PTPRK: variants seen among roughly 807,000 people sequenced by gnomAD.
PTPRK encodes the protein protein tyrosine phosphatase receptor type K.
PTPRK carries 75 observed loss-of-function variants against 178.0 expected under a neutral mutation model. That is an observed-to-expected ratio of 0.42 (90% CI 0.35 to 0.51). The LOEUF (loss-of-function observed/expected upper bound fraction) is 0.51, where lower values mean the gene tolerates loss of function less well. Ranked by LOEUF, PTPRK falls within the 20% of genes least tolerant of loss-of-function variation. The probability of loss-of-function intolerance (pLI) is 0.02; values close to 1 mark genes in which losing one functional copy is unlikely to be tolerated. For missense variants in PTPRK, 1,441 were observed against 1,797.8 expected, an observed-to-expected ratio of 0.80 and a Z score of 3.59; for synonymous variants, 637 against 620.6, an observed-to-expected ratio of 1.03 and a Z score of -0.39.
At chr6:128,398,453 T>G (rs1304530078) in intron 1 of PTPRK, among the ~76,000 whole-genome samples, 1 of 152,184 alleles carries the variant, frequency 6.6e-6, no homozygotes, top group Non-Finnish European at 1.5e-5. Context: ...CCGGACCCTA[T>G]TCTCCTGCCT....
At chr6:128,227,059 A>G (rs2128277001) in intron 5 of PTPRK, among the ~76,000 whole-genome samples, 2 of 152,242 alleles carry the variant, frequency 1.3e-5, no homozygotes, top group Admixed American at 1.3e-4. Context: ...GGCATGTAAA[A>G]TATCACTCTT....
intron 6 of PTPRK, among the ~76,000 whole-genome samples, chr6:128,217,105 T>G (rs965587479): frequency 2.0e-5 from 3 of 152,146 alleles, no homozygotes; most frequent in Non-Finnish European, 4.4e-5. Flanking sequence ...CCCTGAAGAT[T>G]ACCCAAGGAC....
At chr6:128,157,789 T>C (rs1798143779) in intron 7 of PTPRK, among the ~76,000 whole-genome samples, 1 of 152,024 alleles carries the variant, frequency 6.6e-6, no homozygotes, top group South Asian at 2.1e-4. Flanking sequence ...ATGGGGTTGA[T>C]TTTTTCTTGT....
At chr6:127,975,688 T>C (rs937406289) in intron 27 of PTPRK, among the ~76,000 whole-genome samples, 7 of 152,200 alleles carry the variant, frequency 4.6e-5, no homozygotes, top group Admixed American at 3.9e-4. Context: ...AATATCTTTT[T>C]TTGGGGGACG....
intron 3 of PTPRK, among the ~76,000 whole-genome samples, chr6:128,300,549 T>C (rs1040297330): frequency 1.3e-5 from 2 of 152,034 alleles, no homozygotes; most frequent in African/African-American, 4.8e-5. Context: ...GATGAGTTCA[T>C]GTCCTTTGTA....
intron 1 of PTPRK, among the ~76,000 whole-genome samples, chr6:128,430,901 G>C (rs147829390): frequency 7.7e-4 from 117 of 151,186 alleles, no homozygotes; most frequent in African/African-American, 2.8e-3. Context: ...AACATTTAAA[G>C]AAATCTTTAT....
chr6:128,383,549 T>C (rs902631712), intron 2 of PTPRK, among the ~76,000 whole-genome samples: 4 of 152,236 alleles, frequency 2.6e-5, no homozygotes, highest in Non-Finnish European at 4.4e-5. Flanking sequence ...TCATTCCATT[T>C]ATGTATTCAT....
intron 6 of PTPRK, among the ~76,000 whole-genome samples, chr6:128,197,617 A>C (rs574374291): frequency 3.9e-5 from 6 of 152,202 alleles, no homozygotes; most frequent in Admixed American, 1.3e-4. Flanking sequence ...TTATGTGAGG[A>C]AAAAGAGATC....
At chr6:128,467,357 A>G (rs935959643) in intron 1 of PTPRK, among the ~76,000 whole-genome samples, 9 of 152,192 alleles carry the variant, frequency 5.9e-5, no homozygotes, top group Admixed American at 3.3e-4. Flanking sequence ...TAAGATAAAT[A>G]TCACATACAA....
chr6:128,330,098 A>AAACT (rs1187986944), intron 2 of PTPRK, among the ~76,000 whole-genome samples: 3 of 152,210 alleles, frequency 2.0e-5, no homozygotes, highest in African/African-American at 7.2e-5. Flanking sequence ...AACATGCCAG[A>AAACT]AACTGTTGGT....
intron 1 of PTPRK, among the ~76,000 whole-genome samples, chr6:128,512,431 T>C (rs1045232637): frequency 1.3e-5 from 2 of 152,208 alleles, no homozygotes; most frequent in African/African-American, 2.4e-5. Flanking sequence ...GTCTCTGCCA[T>C]AACCACGTCA....
In PTPRK at chr6:128,127,300, T is replaced by C. The variant is rs9491912; in HGVS notation, c.1163-37308A>G. 2.3e-3 allele frequency among the ~76,000 whole-genome samples: 353 copies of C among 152,272 alleles called. 1 individual carries two copies. Among genetic ancestry groups the C allele is most frequent in the African/African-American group, 8.1e-3 (338 of 41,558 alleles). On this transcript the variant is annotated intron_variant, in intron 7 of 29. Coordinates refer to ENST00000368226, the MANE Select transcript of PTPRK (RefSeq NM_002844.4). Reference sequence around the variant, plus strand: ...GTCTTTTGCCTTTCTACATAAACTTTAGAATTGGTTTATTGATTATCTACA... The same window carrying C: ...GTCTTTTGCCTTTCTACATAAACTTCAGAATTGGTTTATTGATTATCTACA...
intron 5 of PTPRK, among the ~76,000 whole-genome samples, chr6:128,233,869 C>T (rs748487742): frequency 1.8e-4 from 27 of 152,212 alleles, no homozygotes; most frequent in Admixed American, 6.5e-5. Flanking sequence ...CTTTCAATAA[C>T]TCCACTGTTG....
chr6:128,351,326 T>C (rs1833100409), intron 2 of PTPRK, among the ~76,000 whole-genome samples: 1 of 152,054 alleles, frequency 6.6e-6, no homozygotes, highest in South Asian at 2.1e-4. Context: ...TGGTAGAAAA[T>C]GAACGCGAAT....
intron 6 of PTPRK, among the ~76,000 whole-genome samples, chr6:128,189,213 TATATC>T (rs1337592099): frequency 6.7e-6 from 1 of 149,790 alleles, no homozygotes; most frequent in Non-Finnish European, 1.5e-5. Context: ...AATTTATATA[TATATC>T]ATATTTTACT....
At chr6:128,085,598 T>C (rs1785638539) in intron 8 of PTPRK, among the ~76,000 whole-genome samples, 1 of 152,220 alleles carries the variant, frequency 6.6e-6, no homozygotes, top group Admixed American at 6.5e-5. Flanking sequence ...ATGGCATAGA[T>C]TTATTTTATC....
At chr6:128,289,118 G>C (rs980792293) in intron 3 of PTPRK, among the ~76,000 whole-genome samples, 7 of 152,022 alleles carry the variant, frequency 4.6e-5, no homozygotes, top group African/African-American at 1.4e-4. Context: ...ACATTTCTAA[G>C]TTCTACTAAA....
chr6:128,470,749 CTTTTTTTTT>C (rs11361160), intron 1 of PTPRK, among the ~76,000 whole-genome samples: 2 of 114,240 alleles, frequency 1.8e-5, no homozygotes, highest in African/African-American at 3.3e-5. Context: ...ATATCTCTCT[CTTTTTTTTT>C]TTTTTTTTTT....
rs558013778 is a variant in PTPRK at position 128,238,167 on chromosome 6, C to G, written c.693+1868G>C. 6 of 395,830 alleles carry G rather than the reference C, an allele frequency of 1.5e-5. No individual in the cohort carries two copies. The East Asian group carries it at 4.3e-4, about 28-fold the overall frequency. 24.5% of individuals were successfully genotyped at this position (395,830 alleles called of 1,614,324 possible). On this transcript the variant is annotated intron_variant, in intron 5 of 29. Transcript: ENST00000368226. ...AGTGGAAGAGAAATACATAAATTCACCATTCTGTAGCAAACGCCAAAAAAA... is the reference window on the plus strand; with the variant it reads ...AGTGGAAGAGAAATACATAAATTCAGCATTCTGTAGCAAACGCCAAAAAAA...
Sources: allele counts gnomAD v4.1 joint callset (sites outside exome capture counted in the v4.1 genomes callset), GRCh38; gene constraint gnomAD v4.1.1; transcripts MANE v1.5; gene names NCBI Gene and HGNC (gene_info 2026-07-23, HGNC 2026-07-21).